The following ABCB4 variants were observed in gnomAD, a reference collection of about 807,000 sequenced individuals.
ABCB4 encodes the protein ATP binding cassette subfamily B member 4, also known as phosphatidylcholine translocator ABCB4.
Under a neutral mutation model 145.7 loss-of-function variants are expected in ABCB4, and 76 were observed. The ratio of observed to expected loss-of-function variants is 0.52; its 90% confidence interval spans 0.43 to 0.63. ABCB4 has a LOEUF of 0.63. Among genes scored for constraint, ABCB4 ranks in the 30% least tolerant of loss-of-function variants. ABCB4 has a pLI of 0.00. For synonymous variants in ABCB4, 517 were observed against 566.8 expected (o/e 0.91, Z 1.25); for missense variants, 1,234 against 1,553.1 (o/e 0.79, Z 3.45).
intron 14 of ABCB4, among the ~76,000 whole-genome samples, chr7:87,432,760 G>A (rs1393921440): frequency 1.3e-5 from 2 of 152,090 alleles, no homozygotes; most frequent in African/African-American, 2.4e-5. Context: ...TTAATGAGGT[G>A]GTGAAAATGT....
intron 16 of ABCB4, among the ~76,000 whole-genome samples, chr7:87,426,053 C>T (rs554922994): frequency 6.6e-6 from 1 of 151,782 alleles, no homozygotes; most frequent in Non-Finnish European, 1.5e-5. Context: ...ATTTTCCATA[C>T]TCATTGCTAA....
intron 8 of ABCB4, 77 bp from the exon 9 acceptor site, chr7:87,447,282 T>G: frequency 7.1e-7 from 1 of 1,413,044 alleles, no homozygotes; most frequent in Non-Finnish European, 9.8e-7. Context: ...GGCTCCTATA[T>G]AGTTGGAGGT....
chr7:87,424,253 G>C (rs1445838624), intron 16 of ABCB4, among the ~76,000 whole-genome samples: 1 of 152,138 alleles, frequency 6.6e-6, no homozygotes, highest in Non-Finnish European at 1.5e-5. Flanking sequence ...GCTGAGTATG[G>C]GTTGTTCGGC....
chr7:87,388,083 C>G, the ABCB4 span, among the ~76,000 whole-genome samples: 1 of 152,126 alleles, frequency 6.6e-6, no homozygotes, highest in African/African-American at 2.4e-5. Context: ...ATGGGACTTC[C>G]TCCAAGACTG....
chr7:87,381,799 G>C, the ABCB4 span: 1 of 647,278 alleles, frequency 1.5e-6, no homozygotes, highest in Non-Finnish European at 2.6e-6. Context: ...GGCATTTGAA[G>C]ACTCTATGCT....
At chr7:87,382,331 T>TAAA in the ABCB4 span, 1 of 1,477,870 alleles carries the variant, frequency 6.8e-7, no homozygotes. Flanking sequence ...GTGATTACTT[T>TAAA]AATGCAGGTG....
At chr7:87,420,658 G>T (rs530024356) in intron 18 of ABCB4, among the ~76,000 whole-genome samples, 4 of 152,190 alleles carry the variant, frequency 2.6e-5, no homozygotes, top group Admixed American at 2.6e-4. Flanking sequence ...TACATTATTT[G>T]TATGTTAACT....
intron 4 of ABCB4, among the ~76,000 whole-genome samples, chr7:87,456,013 T>A (rs1211200262): frequency 6.6e-6 from 1 of 152,238 alleles, no homozygotes; most frequent in Non-Finnish European, 1.5e-5. Context: ...TTATAAGCTA[T>A]CAGAACCTTG....
intron 15 of ABCB4, 35 bp downstream of exon 15, chr7:87,431,369 G>A (rs1336999039): frequency 1.2e-6 from 2 of 1,613,388 alleles, no homozygotes; most frequent in African/African-American, 2.7e-5. Flanking sequence ...ATATTGAGGA[G>A]CAAATAGCAG....
the ABCB4 span, among the ~76,000 whole-genome samples, chr7:87,379,897 T>C: frequency 6.6e-6 from 1 of 152,102 alleles, no homozygotes; most frequent in East Asian, 1.9e-4. Flanking sequence ...GAGGATTTGA[T>C]TCCAGCAGTT....
chr7:87,468,739 T>C (rs1029702707), intron 3 of ABCB4, among the ~76,000 whole-genome samples: 1 of 151,986 alleles, frequency 6.6e-6, no homozygotes, highest in South Asian at 2.1e-4. Flanking sequence ...AAGACCATCC[T>C]GGCTAACATG....
chr7:87,371,655 T>C, the ABCB4 span, among the ~76,000 whole-genome samples: 15 of 152,172 alleles, frequency 9.9e-5, no homozygotes, highest in African/African-American at 2.9e-4. Flanking sequence ...GGACACCCAC[T>C]TCTCCTAATC....
chr7:87,471,113 G>C (rs912067363), intron 3 of ABCB4, among the ~76,000 whole-genome samples: 2 of 151,814 alleles, frequency 1.3e-5, no homozygotes, highest in Non-Finnish European at 2.9e-5. Flanking sequence ...ACTATCGCAA[G>C]GACAAAAAAC....
intron 3 of ABCB4, among the ~76,000 whole-genome samples, chr7:87,463,641 C>T (rs540912684): frequency 2.0e-5 from 3 of 152,184 alleles, no homozygotes; most frequent in Non-Finnish European, 4.4e-5. Context: ...ACATGGAATG[C>T]TTAAGTAACC....
chr7:87,474,896 GAGGAGGGGGAGGGGTAAGACA>G (rs1813683454), intron 2 of ABCB4, among the ~76,000 whole-genome samples: 1 of 152,178 alleles, frequency 6.6e-6, no homozygotes, highest in South Asian at 2.1e-4. Flanking sequence ...CTGGCGATGA[GAGGAGGGGGAGGGGTAAGACA>G]AGGAGGAAGA....
At chr7:87,474,641 T>C (rs997015911) in intron 2 of ABCB4, among the ~76,000 whole-genome samples, 3 of 152,120 alleles carry the variant, frequency 2.0e-5, no homozygotes, top group Non-Finnish European at 4.4e-5. Flanking sequence ...TATTTCAGGC[T>C]AAAGGCGAAA....
chr7:87,371,389 A>C, the ABCB4 span, among the ~76,000 whole-genome samples: 1 of 152,248 alleles, frequency 6.6e-6, no homozygotes, highest in East Asian at 1.9e-4. Context: ...AAACTATTAC[A>C]TAGAATTCCA....
At chr7:87,384,996 GC>G in the ABCB4 span, among the ~76,000 whole-genome samples, 1 of 151,978 alleles carries the variant, frequency 6.6e-6, no homozygotes, top group Non-Finnish European at 1.5e-5. Context: ...AAAAGGAGAT[GC>G]CTGTAAATAC....
rs1174929655 is a variant in ABCB4 at position 87,423,590 on chromosome 7, G to A, written c.2211+316C>T. 11 of 387,104 alleles carry A rather than the reference G, an allele frequency of 2.8e-5. 1 individual carries two copies. Among genetic ancestry groups the A allele is most frequent in the South Asian group, 2.0e-4 (9 of 45,358 alleles). The allele number at this position is 387,104 out of a possible 1,614,324, so 24.0% of individuals were successfully genotyped here. A position where few individuals can be genotyped will look rare whatever the true frequency, so the allele number is the denominator to read the frequency against. ...CCACTCTCTCTCCACCTCACTGTGC[G>A]ACTTGTACCAGCTTTTCTACACAAA... On this transcript the variant is annotated intron_variant, in intron 17 of 27. Coordinates refer to ENST00000649586, the MANE Select transcript of ABCB4 (RefSeq NM_000443.4).
Sources: gnomAD v4.1 joint callset for allele counts (sites outside exome capture counted in the v4.1 genomes callset) on GRCh38, gnomAD v4.1.1 for gene constraint, MANE v1.5 for transcripts, NCBI Gene and HGNC (gene_info 2026-07-23, HGNC 2026-07-21) for gene names.